CLN8: variants seen among roughly 807,000 people sequenced by gnomAD.
CLN8 encodes protein CLN8.
CLN8 carries 14 observed loss-of-function variants against 15.7 expected under a neutral mutation model. The observed-to-expected ratio is 0.89, with a 90% CI of 0.59 to 1.39. The LOEUF is 1.39. CLN8 is among the 40% of genes most tolerant of loss of function. The probability of loss-of-function intolerance (pLI) is 0.00; values close to 1 mark genes in which losing one functional copy is unlikely to be tolerated. For synonymous variants in CLN8, 188 were observed against 151.0 expected, an observed-to-expected ratio of 1.25 and a Z score of -1.80; for missense variants, 415 against 364.0, an observed-to-expected ratio of 1.14 and a Z score of -1.14.
Position 1,780,477 on chromosome 8 carries a change from T to C in CLN8, c.771T>C (p.Leu257=). 6.2e-7 allele frequency: 1 copy of C among 1,614,182 alleles called. No homozygotes were observed. The highest frequency in any genetic ancestry group is 8.5e-7 in the Non-Finnish European group (1 of 1,180,032). The part of the protein sequence containing the change: ...PYWTHKKTQQ[L]LNPVDWNFAQ... ...GGACCCATAAGAAGACTCAGCAGCT[T>C]CTCAATCCGGTGGACTGGAACTTCG... The change falls in exon 3 of 3, where the codon CTT becomes CTC. Residue 257 remains leucine, a synonymous_variant. Transcript: ENST00000331222.
intron 2 of CLN8, among the ~76,000 whole-genome samples, chr8:1,774,317 G>A (rs1289341793): frequency 2.6e-5 from 4 of 152,324 alleles, no homozygotes; most frequent in African/African-American, 9.6e-5. Flanking sequence ...ACTGTATAAA[G>A]CCAACAGACC....
chr8:1,774,877 A>G (rs892818278), intron 2 of CLN8, among the ~76,000 whole-genome samples: 6 of 152,128 alleles, frequency 3.9e-5, no homozygotes, highest in Non-Finnish European at 7.4e-5. Flanking sequence ...GTACCAGCCA[A>G]TTGGGAGGCT....
upstream of CLN8, chr8:1,763,735 C>T (rs1215541615): frequency 2.1e-5 from 3 of 144,692 alleles, no homozygotes; most frequent in Non-Finnish European, 4.6e-5. Context: ...GGGGGCAGAA[C>T]GCGTGCGCAC....
At chr8:1,763,438 GC>G (rs1181473818), upstream of CLN8, 3 of 10,710 alleles carry the variant, frequency 2.8e-4, no homozygotes, top group African/African-American at 9.4e-4. Flanking sequence ...GCCGCGCCCC[GC>G]CCCCCGCCGC....
intron 1 of CLN8, among the ~76,000 whole-genome samples, chr8:1,766,690 C>T (rs997843757): frequency 4.6e-5 from 7 of 151,038 alleles, no homozygotes; most frequent in South Asian, 2.1e-4. Flanking sequence ...CCTGCCCGGC[C>T]GATTCGGCCT....
chr8:1,756,382 G>A (rs1369226151), intron 1 of CLN8, among the ~76,000 whole-genome samples: 2 of 151,736 alleles, frequency 1.3e-5, no homozygotes, highest in Non-Finnish European at 2.9e-5. Context: ...TACTCAGGAG[G>A]CTGAGGCAGG....
At position 1,765,804 on chromosome 8, in the gene CLN8, A is replaced by G. The variant is rs142598291; in HGVS notation, c.-124+1919A>G. Among the ~76,000 whole-genome samples the G allele has an allele frequency of 1.4e-3, 219 of 152,332 alleles. 1 individual carries two copies. Among genetic ancestry groups the G allele is most frequent in the African/African-American group, 5.1e-3 (213 of 41,568 alleles). On this transcript the variant is annotated intron_variant, in intron 1 of 2. Coordinates refer to ENST00000331222, the MANE Select transcript of CLN8 (RefSeq NM_018941.4). ...AAGGAGAATTAGCTTTGCAGATTGT[A>G]AAATGCGTGACCCACAATCAGTGGT...
chr8:1,770,405 C>G (rs1304270601), intron 1 of CLN8, among the ~76,000 whole-genome samples: 6 of 152,176 alleles, frequency 3.9e-5, no homozygotes, highest in Middle Eastern at 3.4e-3. Flanking sequence ...TGCAGAGTGC[C>G]GTAGGTCACA....
intron 1 of CLN8, among the ~76,000 whole-genome samples, chr8:1,757,120 T>G (rs1056369533): frequency 4.6e-5 from 7 of 152,214 alleles, no homozygotes; most frequent in African/African-American, 1.7e-4. Context: ...AGCGTCCCTC[T>G]CTCTACAGTT....
chr8:1,766,263 G>A (rs1233067992), intron 1 of CLN8, among the ~76,000 whole-genome samples: 1 of 152,172 alleles, frequency 6.6e-6, no homozygotes, highest in African/African-American at 2.4e-5. Flanking sequence ...TGGCCTTCCA[G>A]GAGTTGTTTA....
rs1487087487 is a variant in CLN8 at position 1,767,899 on chromosome 8, C to T, written c.-123-3033C>T. On this transcript the variant is annotated intron_variant, in intron 1 of 2. Coordinates refer to ENST00000331222, the MANE Select transcript of CLN8 (RefSeq NM_018941.4). ...TCTGTGTATTTCTTTTTCCTGTAGTCAGATTCTGGGGTCCAGGGTGGTTAG... is the reference window on the plus strand; with the variant it reads ...TCTGTGTATTTCTTTTTCCTGTAGTTAGATTCTGGGGTCCAGGGTGGTTAG... 2.0e-5 allele frequency among the ~76,000 whole-genome samples: 3 copies of T among 151,268 alleles called. No individual in the cohort carries two copies. The East Asian group carries it at 5.9e-4, about 30-fold the overall frequency.
chr8:1,766,379 T>A (rs890621629), intron 1 of CLN8, among the ~76,000 whole-genome samples: 7 of 137,756 alleles, frequency 5.1e-5, no homozygotes, highest in Admixed American at 2.2e-4. Context: ...AGGTTCGGCC[T>A]CCAGTTTTTT....
Position 1,765,695 on chromosome 8 carries a change from T to C in CLN8, c.-124+1810T>C, listed in dbSNP as rs191223314. On this transcript the variant is annotated intron_variant, in intron 1 of 2. Transcript: ENST00000331222. ...GGGTAACAGGAATGCTGAGAGAAGA[T>C]TGCCAGATTAGATAATAAGATTGGT... Among the ~76,000 whole-genome samples the C allele has an allele frequency of 1.5e-3, 222 of 152,316 alleles. 1 individual carries two copies. Among genetic ancestry groups the C allele is most frequent in the African/African-American group, 5.1e-3 (212 of 41,558 alleles).
At chr8:1,766,610 C>G (rs1368906176) in intron 1 of CLN8, among the ~76,000 whole-genome samples, 1 of 151,880 alleles carries the variant, frequency 6.6e-6, no homozygotes, top group Non-Finnish European at 1.5e-5. Context: ...CCAGGATGGT[C>G]TCGATCTCCT....
intron 1 of CLN8, among the ~76,000 whole-genome samples, chr8:1,768,379 C>G (rs1253267939): frequency 1.3e-5 from 2 of 152,218 alleles, no homozygotes; most frequent in Non-Finnish European, 2.9e-5. Flanking sequence ...CCTGAAGCAT[C>G]ACTTGGGCTC....
chr8:1,778,732 A>G (rs1433253609), intron 2 of CLN8, among the ~76,000 whole-genome samples: 1 of 151,886 alleles, frequency 6.6e-6, no homozygotes, highest in East Asian at 1.9e-4. Flanking sequence ...CCTGGGAAGG[A>G]CTCCCGTGAC....
upstream of CLN8, chr8:1,763,430 C>T (rs1274122379): frequency 3.3e-5 from 1 of 30,184 alleles, no homozygotes; most frequent in Admixed American, 2.5e-4. Flanking sequence ...CGCCCCCCGC[C>T]GCGCCCCGCC....
intron 1 of CLN8, among the ~76,000 whole-genome samples, chr8:1,766,010 C>G (rs1029235751): frequency 2.6e-5 from 4 of 152,166 alleles, no homozygotes; most frequent in African/African-American, 9.7e-5. Flanking sequence ...GTTTAGCCCC[C>G]ATAAACCGGA....
At chr8:1,765,307 G>A (rs1042189351) in intron 1 of CLN8, 1 of 152,222 alleles carries the variant, frequency 6.6e-6, no homozygotes, top group Non-Finnish European at 1.5e-5. Context: ...CCGGGGAGCA[G>A]CTTGTATACT....
Sources: gnomAD v4.1 joint callset for allele counts (sites outside exome capture counted in the v4.1 genomes callset) on GRCh38, gnomAD v4.1.1 for gene constraint, MANE v1.5 for transcripts, NCBI Gene and HGNC (gene_info 2026-07-23, HGNC 2026-07-21) for gene names.